ABLIM1: variants seen among roughly 807,000 people sequenced by gnomAD.
ABLIM1 encodes actin binding LIM protein 1, also known as actin-binding LIM protein 1.
Under a neutral mutation model 107.0 loss-of-function variants are expected in ABLIM1, and 40 were observed. The observed-to-expected ratio is 0.37, with a 90% CI of 0.29 to 0.49. The LOEUF (loss-of-function observed/expected upper bound fraction) is 0.49. Among genes scored for constraint, ABLIM1 ranks in the 20% least tolerant of loss-of-function variants. The pLI is 0.97. For missense variants in ABLIM1, 857 were observed against 1,008.5 expected, an observed-to-expected ratio of 0.85 and a Z score of 2.04; for synonymous variants, 357 against 357.3, an observed-to-expected ratio of 1.00 and a Z score of 0.01.
chr10:114,687,410 T>C (rs1010521450), upstream of ABLIM1, among the ~76,000 whole-genome samples: 1 of 152,228 alleles, frequency 6.6e-6, no homozygotes, highest in Non-Finnish European at 1.5e-5. Flanking sequence ...TTTAGGGACT[T>C]GCCCAAGGCC....
chr10:114,754,076 T>G (rs2082577382), intron 1 of ABLIM1, among the ~76,000 whole-genome samples: 1 of 152,160 alleles, frequency 6.6e-6, no homozygotes. Flanking sequence ...GGTCTCAAAC[T>G]CCTGACCTCA....
chr10:114,796,791 A>T, the ABLIM1 span, among the ~76,000 whole-genome samples: 1 of 152,154 alleles, frequency 6.6e-6, no homozygotes, highest in Non-Finnish European at 1.5e-5. Flanking sequence ...TTTTAGCTTT[A>T]AGCCATTTGG....
At chr10:114,777,311 C>G in the ABLIM1 span, among the ~76,000 whole-genome samples, 1 of 152,122 alleles carries the variant, frequency 6.6e-6, no homozygotes, top group Non-Finnish European at 1.5e-5. Context: ...TTGAATTTCT[C>G]TCTCTTTTCA....
chr10:114,618,257 C>G (rs2077253583), intron 1 of ABLIM1, among the ~76,000 whole-genome samples: 2 of 152,160 alleles, frequency 1.3e-5, no homozygotes, highest in African/African-American at 4.8e-5. Flanking sequence ...AATAGATTCC[C>G]TTTCTTGTAC....
chr10:114,596,427 G>A (rs1046190966), intron 2 of ABLIM1, among the ~76,000 whole-genome samples: 38 of 152,154 alleles, frequency 2.5e-4, no homozygotes, highest in African/African-American at 4.6e-4. Flanking sequence ...TGGGCCTGGC[G>A]TGGTGGCACA....
chr10:114,563,808 T>C (rs138275932), intron 4 of ABLIM1, among the ~76,000 whole-genome samples: 2 of 140,450 alleles, frequency 1.4e-5, no homozygotes, highest in African/African-American at 5.4e-5. Flanking sequence ...ATTGCACCAC[T>C]GTACTCCAGC....
intron 6 of ABLIM1, chr10:114,526,860 G>C (rs998926039): frequency 3.0e-6 from 3 of 985,308 alleles, no homozygotes; most frequent in Non-Finnish European, 3.6e-6. Flanking sequence ...CATCCCTCTA[G>C]AGACGCACTC....
In ABLIM1 at chr10:114,575,333, T is replaced by C. The variant is rs190228907; in HGVS notation, c.563+83A>G. The C allele has an allele frequency of 5.6e-5, 83 of 1,472,836 alleles. 1 individual carries two copies. The East Asian group carries it at 1.0e-3, about 19-fold the overall frequency. 91.2% of individuals were successfully genotyped at this position (1,472,836 alleles called of 1,614,324 possible). A position where few individuals can be genotyped will look rare whatever the true frequency, so the allele number is the denominator to read the frequency against. On this transcript the variant is annotated intron_variant, in intron 3 of 22. Transcript: ENST00000533213. The stretch of plus-strand genomic sequence containing the variant: ...AGTATGTGCTACTCAAGACAAAAGG[T>C]GTATAATCCAACCTTTAACAGCCCA...
the ABLIM1 span, among the ~76,000 whole-genome samples, chr10:114,791,561 C>T: frequency 2.0e-5 from 3 of 151,660 alleles, no homozygotes; most frequent in African/African-American, 7.3e-5. Flanking sequence ...TGGCGTGAAC[C>T]TGGGAGGGGG....
the ABLIM1 span, among the ~76,000 whole-genome samples, chr10:114,781,452 C>T: frequency 2.7e-5 from 4 of 150,882 alleles, no homozygotes; most frequent in South Asian, 2.1e-4. Context: ...TGCAGTGAGC[C>T]GAGATCATGC....
At chr10:114,716,995 C>T (rs553392294) in intron 1 of ABLIM1, among the ~76,000 whole-genome samples, 1 of 152,252 alleles carries the variant, frequency 6.6e-6, no homozygotes, top group Non-Finnish European at 1.5e-5. Context: ...CTGCTCAGAT[C>T]ACTGCCCTAA....
chr10:114,468,301 G>T, intron 10 of ABLIM1, 85 bp from the exon 11 acceptor site: 1 of 1,298,000 alleles, frequency 7.7e-7, no homozygotes. Context: ...TTGAGATGGA[G>T]TCTCGCTCTG....
At chr10:114,674,810 C>G (rs1591800639) in intron 1 of ABLIM1, among the ~76,000 whole-genome samples, 1 of 150,000 alleles carries the variant, frequency 6.7e-6, no homozygotes, top group South Asian at 2.1e-4. Flanking sequence ...TATAAGAATG[C>G]TCTGAGAGTC....
chr10:114,746,463 C>T (rs1243450792), intron 1 of ABLIM1, among the ~76,000 whole-genome samples: 1 of 152,174 alleles, frequency 6.6e-6, no homozygotes, highest in East Asian at 1.9e-4. Flanking sequence ...TGTACGTATA[C>T]CACGTCTTTA....
intron 15 of ABLIM1, 135 bp downstream of exon 15, chr10:114,447,745 C>T (rs1351879917): frequency 3.2e-6 from 4 of 1,257,908 alleles, no homozygotes; most frequent in Non-Finnish European, 4.4e-6. Flanking sequence ...TAGTTCTTTT[C>T]ACTATGCTAC....
At chr10:114,713,994 C>T (rs1362294979) in intron 1 of ABLIM1, among the ~76,000 whole-genome samples, 3 of 152,182 alleles carry the variant, frequency 2.0e-5, no homozygotes, top group Admixed American at 6.5e-5. Context: ...GGTCTACACA[C>T]CAACCTGGAC....
chr10:114,474,097 C>T (rs987769063), intron 8 of ABLIM1, 141 bp from the exon 9 acceptor site: 12 of 622,850 alleles, frequency 1.9e-5, no homozygotes, highest in Admixed American at 3.0e-5. Flanking sequence ...TAAAATACAA[C>T]CTAGAAGGAA....
Position 114,768,053 on chromosome 10 carries a change from C to A in ABLIM1, c.-213+8G>T, listed in dbSNP as rs1305261445. On this transcript the variant is annotated splice_region_variant and intron_variant, in intron 1 of 15. Coordinates refer to the ABLIM1 transcript ENST00000651092. ...TCAGTGGACGGTGCCCACCTGGTCC[C>A]CACTCACCTCTGGCGGACATGGTGC... The A allele has an allele frequency of 1.2e-5, 5 of 431,514 alleles. No individual in the cohort carries two copies. In the Admixed American group the frequency reaches 1.2e-4, roughly 11 times the overall value. 26.7% of individuals were successfully genotyped at this position (431,514 alleles called of 1,614,324 possible). A position where few individuals can be genotyped will look rare whatever the true frequency, so the allele number is the denominator to read the frequency against.
intron 1 of ABLIM1, among the ~76,000 whole-genome samples, chr10:114,612,198 C>T (rs931453361): frequency 1.3e-5 from 2 of 152,162 alleles, no homozygotes; most frequent in Non-Finnish European, 2.9e-5. Context: ...GTCACAAAGG[C>T]TCTGCCCTCA....
Sources: allele counts gnomAD v4.1 joint callset (sites outside exome capture counted in the v4.1 genomes callset), GRCh38; gene constraint gnomAD v4.1.1; transcripts MANE v1.5; gene names NCBI Gene and HGNC (gene_info 2026-07-23, HGNC 2026-07-21).